The following AFG2A variants were observed in gnomAD, a reference collection of about 807,000 sequenced individuals.
The protein encoded by AFG2A is AAA ATPase AFG2A.
At chr4:123,002,707 A>T in the AFG2A span, among the ~76,000 whole-genome samples, 9 of 152,132 alleles carry the variant, frequency 5.9e-5, no homozygotes, top group African/African-American at 2.2e-4. Context: ...TTTGTGGGTA[A>T]CCTGACCTTT....
the AFG2A span, chr4:122,933,968 C>T: frequency 9.0e-7 from 1 of 1,110,618 alleles, no homozygotes. Flanking sequence ...TTTTTTATGA[C>T]AATTATTTTA....
the AFG2A span, among the ~76,000 whole-genome samples, chr4:123,007,595 T>TGTG: frequency 2.0e-4 from 1 of 5,106 alleles, no homozygotes; most frequent in Admixed American, 1.5e-3. Context: ...TGTGTGTGTG[T>TGTG]GTGTGTGTGT....
At chr4:122,987,979 A>G in the AFG2A span, among the ~76,000 whole-genome samples, 2 of 152,118 alleles carry the variant, frequency 1.3e-5, no homozygotes, top group East Asian at 3.9e-4. Flanking sequence ...GTGGTGCTGA[A>G]TACCCACATT....
At chr4:123,226,160 G>C in the AFG2A span, among the ~76,000 whole-genome samples, 1 of 152,162 alleles carries the variant, frequency 6.6e-6, no homozygotes, top group African/African-American at 2.4e-5. Context: ...TCTGCAAACA[G>C]GGACAATTTG....
At chr4:123,284,947 C>A in the AFG2A span, among the ~76,000 whole-genome samples, 1 of 152,184 alleles carries the variant, frequency 6.6e-6, no homozygotes, top group African/African-American at 2.4e-5. Context: ...TCATGTTTTA[C>A]AACCACTTTT....
chr4:123,017,014 C>T, the AFG2A span, among the ~76,000 whole-genome samples: 12 of 152,064 alleles, frequency 7.9e-5, no homozygotes, highest in Non-Finnish European at 1.0e-4. Context: ...CGCAGGCCCT[C>T]GGCAGGCTGA....
chr4:123,270,273 T>A, the AFG2A span, among the ~76,000 whole-genome samples: 5 of 152,328 alleles, frequency 3.3e-5, no homozygotes, highest in Admixed American at 3.3e-4. Context: ...GAATTGAATC[T>A]TCCTGTGCAC....
At chr4:122,993,725 C>G in the AFG2A span, among the ~76,000 whole-genome samples, 4 of 151,768 alleles carry the variant, frequency 2.6e-5, no homozygotes, top group African/African-American at 9.7e-5. Flanking sequence ...TTACTTTTCA[C>G]TAGAGTTTAT....
chr4:122,957,034 T>C, the AFG2A span, among the ~76,000 whole-genome samples: 1 of 152,014 alleles, frequency 6.6e-6, no homozygotes, highest in Non-Finnish European at 1.5e-5. Context: ...CATTTGTAAA[T>C]TGAGGAGATT....
the AFG2A span, among the ~76,000 whole-genome samples, chr4:123,236,721 A>G: frequency 4.6e-5 from 7 of 152,170 alleles, no homozygotes; most frequent in Non-Finnish European, 8.8e-5. Context: ...AACTTGTACA[A>G]GCCATATCTC....
the AFG2A span, among the ~76,000 whole-genome samples, chr4:123,233,452 A>G: frequency 6.6e-6 from 1 of 152,004 alleles, no homozygotes; most frequent in Non-Finnish European, 1.5e-5. Flanking sequence ...TAAAAGAAAA[A>G]AAGTTGAGAG....
At chr4:123,153,279 C>G in the AFG2A span, among the ~76,000 whole-genome samples, 80 of 152,338 alleles carry the variant, frequency 5.3e-4, 1 homozygote, top group East Asian at 0.013. Context: ...CAAGGCAGAA[C>G]ATTTCAAGCC....
the AFG2A span, chr4:122,934,297 A>G: frequency 9.9e-6 from 16 of 1,614,236 alleles, no homozygotes; most frequent in Non-Finnish European, 1.4e-5. Flanking sequence ...CTTACAGCTA[A>G]GCCAGTTAGA....
chr4:123,109,787 A>G, the AFG2A span, among the ~76,000 whole-genome samples: 15 of 152,180 alleles, frequency 9.9e-5, no homozygotes, highest in African/African-American at 3.4e-4. Context: ...ATTTTTGTCT[A>G]TTTTGAGCAA....
chr4:123,195,744 C>T, the AFG2A span, among the ~76,000 whole-genome samples: 6 of 152,156 alleles, frequency 3.9e-5, no homozygotes, highest in Non-Finnish European at 5.9e-5. Flanking sequence ...TCAGTGATTA[C>T]AGGTAGAGCA....
the AFG2A span, among the ~76,000 whole-genome samples, chr4:123,229,189 G>T: frequency 6.6e-6 from 1 of 152,002 alleles, no homozygotes; most frequent in East Asian, 1.9e-4. Flanking sequence ...GCCAAGTGCT[G>T]TGGAAGGACA....
the AFG2A span, among the ~76,000 whole-genome samples, chr4:122,971,853 G>A: frequency 6.6e-6 from 1 of 152,054 alleles, no homozygotes; most frequent in Admixed American, 6.5e-5. Flanking sequence ...CATGAATCTG[G>A]CATTCCTGTA....
chr4:123,303,765 A>G, the AFG2A span, among the ~76,000 whole-genome samples: 1 of 152,010 alleles, frequency 6.6e-6, no homozygotes, highest in Non-Finnish European at 1.5e-5. Context: ...TGTCTTCAAC[A>G]AAAACAAACA....
the AFG2A span, among the ~76,000 whole-genome samples, chr4:123,291,955 G>A: frequency 6.6e-6 from 1 of 152,204 alleles, no homozygotes; most frequent in South Asian, 2.1e-4. Context: ...TATTCTCTCA[G>A]ATAGGTTTTC....
Sources: allele counts gnomAD v4.1 joint callset (sites outside exome capture counted in the v4.1 genomes callset), GRCh38; gene constraint gnomAD v4.1.1; transcripts MANE v1.5; gene names NCBI Gene and HGNC (gene_info 2026-07-23, HGNC 2026-07-21).